Variants in ADGRE3 observed in about 807,000 individuals in gnomAD.
ADGRE3 encodes the protein adhesion G protein-coupled receptor E3.
In ADGRE3, 88 loss-of-function variants were observed where a neutral mutation model predicts 80.1. The observed-to-expected ratio is 1.10, with a 90% CI of 0.93 to 1.31. The LOEUF is 1.31. Among genes scored for constraint, ADGRE3 ranks in the 40% most tolerant of loss-of-function variants. ADGRE3 has a pLI of 0.00. For missense variants in ADGRE3, 715 were observed against 776.5 expected, an observed-to-expected ratio of 0.92 and a Z score of 0.94; for synonymous variants, 281 against 294.8, an observed-to-expected ratio of 0.95 and a Z score of 0.48.
intron 2 of ADGRE3, among the ~76,000 whole-genome samples, chr19:14,666,936 T>C (rs1369072873): frequency 6.6e-6 from 1 of 152,188 alleles, no homozygotes; most frequent in African/African-American, 2.4e-5. Context: ...CTAAAATTCA[T>C]GTCCACCCAG....
intron 8 of ADGRE3, among the ~76,000 whole-genome samples, chr19:14,646,880 C>T (rs1971423927): frequency 6.6e-6 from 1 of 152,014 alleles, no homozygotes. Flanking sequence ...AAGCAATCCT[C>T]TTGCCTCAGC....
At chr19:14,632,792 G>A (rs2146817892) in intron 13 of ADGRE3, 129 bp downstream of exon 13, 1 of 581,858 alleles carries the variant, frequency 1.7e-6, no homozygotes, top group Non-Finnish European at 3.2e-6. Context: ...CTCATTAACT[G>A]TGATGGTGGA....
At chr19:14,632,537 T>G (rs1263181146) in intron 13 of ADGRE3, among the ~76,000 whole-genome samples, 5 of 152,120 alleles carry the variant, frequency 3.3e-5, no homozygotes, top group African/African-American at 4.8e-5. Context: ...ACTCCTATAT[T>G]ACCTCCTTCC....
At chr19:14,635,876 G>C (rs1175974383) in intron 11 of ADGRE3, among the ~76,000 whole-genome samples, 1 of 152,060 alleles carries the variant, frequency 6.6e-6, no homozygotes, top group Non-Finnish European at 1.5e-5. Context: ...TACAGATCTA[G>C]TGAGGCATAA....
At position 14,661,983 on chromosome 19, in the gene ADGRE3, G is replaced by T; in HGVS notation, c.335C>A (p.Ser112Tyr). The change falls in exon 4 of 16, where the codon TCC becomes TAC. Residue 112 changes from serine (S) to tyrosine (Y), a missense_variant. By Grantham distance (144) the Ser-to-Tyr change is moderately radical. Coordinates refer to ENST00000253673, the MANE Select transcript of ADGRE3 (RefSeq NM_032571.5). Reference protein sequence around the residue: ...LHSGNEQFSNSNENTCQDTTS... With the variant: ...LHSGNEQFSNYNENTCQDTTS... ...CTTACCCTGACAGGTGTTCTCATTG[G>T]AATTACTGAATTGTTCATTCCCAGA... is the stretch of plus-strand genomic sequence containing the variant. The T allele has an allele frequency of 6.2e-7, 1 of 1,614,140 alleles. No homozygotes were observed. Among genetic ancestry groups the T allele is most frequent in the Non-Finnish European group, 8.5e-7 (1 of 1,179,970 alleles).
At chr19:14,673,417 TG>T (rs1972308982) in intron 1 of ADGRE3, among the ~76,000 whole-genome samples, 1 of 152,220 alleles carries the variant, frequency 6.6e-6, no homozygotes, top group Non-Finnish European at 1.5e-5. Context: ...GAAAGATGGA[TG>T]GGATTTCATC....
At chr19:14,639,586 T>G (rs1453059876) in intron 10 of ADGRE3, among the ~76,000 whole-genome samples, 1 of 152,000 alleles carries the variant, frequency 6.6e-6, no homozygotes, top group Admixed American at 6.6e-5. Flanking sequence ...GTTATTTTTT[T>G]TGTTTTTTTT....
Position 14,651,183 on chromosome 19 carries a change from G to T in ADGRE3, c.599C>A (p.Thr200Lys). The change falls in exon 7 of 16, where the codon ACA (threonine) becomes AAA (lysine). Residue 200 changes from threonine to lysine, a missense_variant. By Grantham distance (78) the Thr-to-Lys change is moderately conservative (BLOSUM62 -1). Transcript: ENST00000253673. ...CTTTCTTTCTTCAGAGCAATTGTCT[G>T]TAATCGCTTGAGTTTCAATAGCTGG... Reference protein sequence around the residue: ...DSVAIETQAITDNCSEERKTF... With the variant: ...DSVAIETQAIKDNCSEERKTF... The T allele has an allele frequency of 6.2e-7, 1 of 1,614,030 alleles. No individual in the cohort carries two copies. The highest frequency in any genetic ancestry group is 8.5e-7 in the Non-Finnish European group (1 of 1,179,884).
intron 9 of ADGRE3, among the ~76,000 whole-genome samples, chr19:14,643,534 A>G (rs1365513205): frequency 1.3e-5 from 2 of 151,984 alleles, no homozygotes; most frequent in African/African-American, 4.8e-5. Flanking sequence ...TGATCCCCCA[A>G]TACACACCCT....
the ADGRE3 span, among the ~76,000 whole-genome samples, chr19:14,600,955 T>G: frequency 2.4e-5 from 3 of 126,992 alleles, no homozygotes; most frequent in Non-Finnish European, 4.7e-5. Flanking sequence ...CAGGCTGGAG[T>G]GCAGTGGTGC....
chr19:14,647,809 G>A (rs1971457620), intron 7 of ADGRE3, among the ~76,000 whole-genome samples: 1 of 151,672 alleles, frequency 6.6e-6, no homozygotes, highest in African/African-American at 2.4e-5. Context: ...ACCGGGCATG[G>A]TGGCTCACAC....
chr19:14,670,833 G>C (rs1972235225), intron 1 of ADGRE3, among the ~76,000 whole-genome samples: 1 of 152,304 alleles, frequency 6.6e-6, no homozygotes, highest in East Asian at 1.9e-4. Flanking sequence ...ACGGGTTCTG[G>C]GTTCTAGCTG....
chr19:14,603,391 G>A, the ADGRE3 span, among the ~76,000 whole-genome samples: 1 of 152,090 alleles, frequency 6.6e-6, no homozygotes, highest in African/African-American at 2.4e-5. Context: ...CTACAAAATG[G>A]GCATAATGAT....
At chr19:14,608,454 G>A in the ADGRE3 span, among the ~76,000 whole-genome samples, 1 of 152,014 alleles carries the variant, frequency 6.6e-6, no homozygotes. Flanking sequence ...TCCCAGGCTT[G>A]GCCAGACAGG....
chr19:14,633,403 T>C, intron 11 of ADGRE3, 101 bp from the exon 12 acceptor site: 2 of 936,448 alleles, frequency 2.1e-6, no homozygotes, highest in South Asian at 3.3e-5. Context: ...TTCCAGTTTC[T>C]CTTGAAAGTC....
intron 11 of ADGRE3, among the ~76,000 whole-genome samples, chr19:14,636,177 C>CT (rs1568481549): frequency 1.5e-4 from 3 of 20,574 alleles, no homozygotes; most frequent in African/African-American, 3.9e-4. Context: ...CTTTCCTTTC[C>CT]TTCCTCTTTC....
chr19:14,614,644 T>C (rs938461458), downstream of ADGRE3, among the ~76,000 whole-genome samples: 1 of 149,574 alleles, frequency 6.7e-6, no homozygotes. Context: ...TGGTGTGATC[T>C]CGGCTCACTG....
intron 9 of ADGRE3, among the ~76,000 whole-genome samples, chr19:14,643,143 GGTTTTTTTTTT>G (rs1971298483): frequency 8.2e-6 from 1 of 122,066 alleles, no homozygotes; most frequent in African/African-American, 3.6e-5. Context: ...TAGTAATCAT[GGTTTTTTTTTT>G]TTTTTTTTTT....
Position 14,627,699 on chromosome 19 carries a change from C to T in ADGRE3, c.1813-2100G>A, listed in dbSNP as rs188052977. ...TGGCTGGGTTCCATTGTGGAGACAGCGTGCAGTCCAGATTATCCCTGAGCA... is the reference window on the plus strand; with the variant it reads ...TGGCTGGGTTCCATTGTGGAGACAGTGTGCAGTCCAGATTATCCCTGAGCA... On this transcript the variant is annotated intron_variant, in intron 14 of 15. Transcript: ENST00000253673. 3.0e-3 allele frequency among the ~76,000 whole-genome samples: 457 copies of T among 152,096 alleles called. 5 individuals carry two copies. The highest frequency in any genetic ancestry group is 1.3e-3 in the Non-Finnish European group (91 of 67,982).
Sources: gnomAD v4.1 joint callset for allele counts (sites outside exome capture counted in the v4.1 genomes callset) on GRCh38, gnomAD v4.1.1 for gene constraint, MANE v1.5 for transcripts, NCBI Gene and HGNC (gene_info 2026-07-23, HGNC 2026-07-21) for gene names.